Variants in ASCC1 observed in about 807,000 individuals in gnomAD.
ASCC1 encodes activating signal cointegrator 1 complex subunit 1.
Under a neutral mutation model 46.6 loss-of-function variants are expected in ASCC1, and 35 were observed. The ratio of observed to expected loss-of-function variants is 0.75; its 90% CI spans 0.57 to 0.99. The LOEUF (loss-of-function observed/expected upper bound fraction) is 0.99. Ranked by LOEUF, ASCC1 falls within the 50% of genes least tolerant of loss-of-function variation. The probability of loss-of-function intolerance (pLI) is 0.00; values close to 1 mark genes in which losing one functional copy is unlikely to be tolerated. For synonymous variants in ASCC1, 143 were observed against 146.6 expected, an observed-to-expected ratio of 0.98 and a Z score of 0.18; for missense variants, 376 against 428.7, an observed-to-expected ratio of 0.88 and a Z score of 1.09.
At chr10:72,191,018 T>TA (rs1414671921) in intron 5 of ASCC1, among the ~76,000 whole-genome samples, 2 of 146,028 alleles carry the variant, frequency 1.4e-5, no homozygotes, top group Non-Finnish European at 3.0e-5. Context: ...AAAAGGAAGT[T>TA]AAAGTGCAAT....
At chr10:72,197,104 A>G (rs1855551885) in intron 4 of ASCC1, 115 bp from the exon 5 acceptor site, 1 of 895,102 alleles carries the variant, frequency 1.1e-6, no homozygotes, top group African/African-American at 1.7e-5. Flanking sequence ...GCGTATATGA[A>G]TCTAAACAGG....
rs144651180 is a variant in ASCC1 at position 72,117,902 on chromosome 10, C to T, written c.957+10180G>A. Among the ~76,000 whole-genome samples, 58 of 152,274 alleles carry T rather than the reference C, an allele frequency of 3.8e-4. No individual in the cohort carries two copies. In the East Asian group the frequency reaches 8.9e-3, roughly 23 times the overall value. On this transcript the variant is annotated intron_variant, in intron 9 of 9. Transcript: ENST00000672957. ...GAAATATAACGTATTAAAAAAGGCA[C>T]AAGAGCCATGGTGAAAATCAAGGGA...
chr10:72,185,274 G>A (rs1244991948), intron 5 of ASCC1, among the ~76,000 whole-genome samples: 2 of 152,126 alleles, frequency 1.3e-5, no homozygotes. Context: ...ACACTATTAA[G>A]TATTTACCCA....
rs565015075 is a variant in ASCC1, at chr10:72,174,187, T to C, written c.490-12513A>G. Among the ~76,000 whole-genome samples, 5 of 152,322 alleles carry C rather than the reference T, an allele frequency of 3.3e-5. No individual in the cohort carries two copies. In the South Asian group the frequency reaches 6.2e-4, roughly 19 times the overall value. On this transcript the variant is annotated intron_variant, in intron 5 of 9. Coordinates refer to ENST00000672957, the MANE Select transcript of ASCC1 (RefSeq NM_001198800.3). ...TCCTGACTCATCAGTCCTGAGTGCA[T>C]GGAGCTTAGCCCTCTCATTCAAACT... is the stretch of plus-strand genomic sequence containing the variant.
intron 3 of ASCC1, among the ~76,000 whole-genome samples, chr10:72,209,721 T>C (rs1036780574): frequency 3.3e-5 from 5 of 151,574 alleles, no homozygotes; most frequent in African/African-American, 1.2e-4. Context: ...AGGGCGGAGG[T>C]TGCAGTGAGC....
chr10:72,129,221 AT>A (rs1362004786), intron 8 of ASCC1, among the ~76,000 whole-genome samples: 56 of 147,922 alleles, frequency 3.8e-4, no homozygotes, highest in African/African-American at 1.3e-3. Context: ...ACAACTTAAA[AT>A]TAAGAGAAAG....
intron 9 of ASCC1, among the ~76,000 whole-genome samples, chr10:72,104,358 G>T (rs1255390846): frequency 6.6e-6 from 1 of 152,134 alleles, no homozygotes; most frequent in Non-Finnish European, 1.5e-5. Flanking sequence ...AGCTCAGCTG[G>T]AAGCATTTTA....
At chr10:72,141,126 T>C (rs991324068) in intron 7 of ASCC1, among the ~76,000 whole-genome samples, 3 of 152,092 alleles carry the variant, frequency 2.0e-5, no homozygotes, top group Admixed American at 6.6e-5. Flanking sequence ...CAGATATATA[T>C]AGATATATAT....
chr10:72,128,925 T>C (rs749625935), intron 8 of ASCC1, among the ~76,000 whole-genome samples: 5 of 152,182 alleles, frequency 3.3e-5, no homozygotes, highest in Non-Finnish European at 7.4e-5. Context: ...CAAAGCATCC[T>C]CAAGAATTAA....
chr10:72,172,788 T>C (rs1166596003), intron 5 of ASCC1, among the ~76,000 whole-genome samples: 1 of 136,012 alleles, frequency 7.4e-6, no homozygotes, highest in Non-Finnish European at 1.5e-5. Context: ...TTATATTATA[T>C]ATTATATATT....
rs1564727033 is a variant in ASCC1 at position 72,190,495 on chromosome 10, T to A, written c.489+6316A>T. 3 of 1,593,816 alleles carry A rather than the reference T, an allele frequency of 1.9e-6. No individual in the cohort carries two copies. In the East Asian group the frequency reaches 6.7e-5, roughly 36 times the overall value. ...AGAGCCGTGGCCTTGGAAAGGGCCA[T>A]AAGTTCCACCACACTATTGGTGGTT... is the stretch of plus-strand genomic sequence containing the variant. On this transcript the variant is annotated intron_variant, in intron 5 of 9. Transcript: ENST00000672957.
chr10:72,110,673 G>T (rs1425128488), intron 9 of ASCC1, among the ~76,000 whole-genome samples: 2 of 152,194 alleles, frequency 1.3e-5, no homozygotes, highest in Non-Finnish European at 2.9e-5. Flanking sequence ...TGTAATCCCA[G>T]CTACTCAGGA....
At chr10:72,194,618 A>G (rs768011081) in intron 5 of ASCC1, among the ~76,000 whole-genome samples, 2 of 151,488 alleles carry the variant, frequency 1.3e-5, no homozygotes, top group Non-Finnish European at 2.9e-5. Context: ...TTCAGCACTC[A>G]TAACAAAATA....
At position 72,130,137 on chromosome 10, in the gene ASCC1, T is replaced by C. The variant is rs370026713; in HGVS notation, c.872-1970A>G. 1.6e-3 allele frequency among the ~76,000 whole-genome samples: 247 copies of C among 152,220 alleles called. 1 individual carries two copies. The highest frequency in any genetic ancestry group is 5.6e-3 in the African/African-American group (234 of 41,518). ...ACAGCATGATTCTGTTTATATGAAA[T>C]GTCCAGAACAGGCAGCTCTATAGAG... is the stretch of plus-strand genomic sequence containing the variant. On this transcript the variant is annotated intron_variant, in intron 8 of 9. Transcript: ENST00000672957.
intron 5 of ASCC1, among the ~76,000 whole-genome samples, chr10:72,166,775 A>G (rs537864063): frequency 6.6e-6 from 1 of 152,300 alleles, no homozygotes; most frequent in African/African-American, 2.4e-5. Flanking sequence ...AATAAGCTAA[A>G]GATTTGAACA....
At chr10:72,109,139 G>A (rs1842656233) in intron 9 of ASCC1, among the ~76,000 whole-genome samples, 1 of 152,108 alleles carries the variant, frequency 6.6e-6, no homozygotes, top group Non-Finnish European at 1.5e-5. Flanking sequence ...AGGACATAAT[G>A]CCCTTCCAGA....
At position 72,096,886 on chromosome 10, in the gene ASCC1, A is replaced by T. The variant is rs1133381; in HGVS notation, c.*448T>A. 14,015 of 454,108 alleles carry T rather than the reference A, an allele frequency of 0.031. 313 individuals carry two copies. The highest frequency in any genetic ancestry group is 0.045 in the Non-Finnish European group (10,110 of 226,776). 28.1% of individuals were successfully genotyped at this position (454,108 alleles called of 1,614,324 possible). A position where few individuals can be genotyped will look rare whatever the true frequency, so the allele number is the denominator to read the frequency against. On this transcript the variant is annotated 3_prime_UTR_variant, in exon 10 of 10. Coordinates refer to ENST00000672957, the MANE Select transcript of ASCC1 (RefSeq NM_001198800.3). ...CAAAACCAGAGAGACAGAAAGCAGAATGGTGGCTGCGGGGGCTGGGAGGAG... is the reference window on the plus strand; with the variant it reads ...CAAAACCAGAGAGACAGAAAGCAGATTGGTGGCTGCGGGGGCTGGGAGGAG...
chr10:72,126,797 C>T (rs1011382958), intron 9 of ASCC1, among the ~76,000 whole-genome samples: 1 of 152,164 alleles, frequency 6.6e-6, no homozygotes, highest in African/African-American at 2.4e-5. Flanking sequence ...CTGGAAAAAA[C>T]AGTAAAGTTA....
chr10:72,140,551 G>T (rs1422917591), intron 7 of ASCC1, among the ~76,000 whole-genome samples: 1 of 152,134 alleles, frequency 6.6e-6, no homozygotes, highest in East Asian at 1.9e-4. Context: ...GTAATGTGTA[G>T]GTTATATTTC....
Sources: allele counts gnomAD v4.1 joint callset (sites outside exome capture counted in the v4.1 genomes callset), GRCh38; gene constraint gnomAD v4.1.1; transcripts MANE v1.5; gene names NCBI Gene and HGNC (gene_info 2026-07-23, HGNC 2026-07-21).